ANK2: variants seen among roughly 807,000 people sequenced by gnomAD.
ANK2 encodes the protein ankyrin 2.
In ANK2, 83 loss-of-function variants were observed where a neutral mutation model predicts 360.5. That is an observed-to-expected ratio of 0.23 (90% CI 0.19 to 0.28). The LOEUF is 0.28. Ranked by LOEUF, ANK2 falls within the 10% of genes least tolerant of loss-of-function variation. ANK2 has a pLI of 1.00. For missense variants in ANK2, 4,201 were observed against 4,795.7 expected (o/e 0.88, Z 3.66); for synonymous variants, 1,740 against 1,759.5 (o/e 0.99, Z 0.28).
At chr4:113,092,780 A>C (rs1258053404) in intron 1 of ANK2, among the ~76,000 whole-genome samples, 1 of 152,162 alleles carries the variant, frequency 6.6e-6, no homozygotes, top group African/African-American at 2.4e-5. Flanking sequence ...GTCCACATAT[A>C]GTATGTGATT....
intron 1 of ANK2, among the ~76,000 whole-genome samples, chr4:113,103,785 A>G (rs1410905353): frequency 6.6e-6 from 1 of 152,204 alleles, no homozygotes; most frequent in African/African-American, 2.4e-5. Flanking sequence ...AAATATATCC[A>G]TTAGTCATTC....
the ANK2 span, among the ~76,000 whole-genome samples, chr4:112,748,913 T>C: frequency 6.6e-6 from 1 of 152,184 alleles, no homozygotes; most frequent in Non-Finnish European, 1.5e-5. Flanking sequence ...ATTTATTTAT[T>C]TTGTAGATGG....
intron 1 of ANK2, among the ~76,000 whole-genome samples, chr4:112,820,104 C>G (rs115994878): frequency 0.012 from 1,896 of 152,336 alleles, 46 homozygotes; most frequent in African/African-American, 0.043. Context: ...AATTCCTTTT[C>G]TTTAACACAG....
At chr4:112,789,170 C>G in the ANK2 span, among the ~76,000 whole-genome samples, 1 of 152,010 alleles carries the variant, frequency 6.6e-6, no homozygotes, top group African/African-American at 2.4e-5. Context: ...AATTATTATA[C>G]TGTGGTAAAA....
At position 112,863,855 on chromosome 4, in the gene ANK2, T is replaced by C. The variant is rs571752323; in HGVS notation, c.-39-40600T>C. Reference sequence around the variant, plus strand: ...CTTTATTATTATTTTTTTGATGTAGTGATGACTAACCAGTCAATTCCATTT... The same window carrying C: ...CTTTATTATTATTTTTTTGATGTAGCGATGACTAACCAGTCAATTCCATTT... On this transcript the variant is annotated intron_variant, in intron 1 of 30. Coordinates refer to the ANK2 transcript ENST00000503271. Among the ~76,000 whole-genome samples, 20 of 152,266 alleles carry C rather than the reference T, an allele frequency of 1.3e-4. No homozygotes were observed. In the South Asian group the frequency reaches 3.3e-3, roughly 25 times the overall value.
intron 42 of ANK2, 75 bp from the exon 43 acceptor site, chr4:113,369,439 C>A (rs1219378585): frequency 5.3e-6 from 8 of 1,510,598 alleles, no homozygotes; most frequent in Non-Finnish European, 5.5e-6. Context: ...CTCCATCTTG[C>A]CTTTCGATTT....
At chr4:112,725,302 A>C in the ANK2 span, among the ~76,000 whole-genome samples, 26 of 147,600 alleles carry the variant, frequency 1.8e-4, no homozygotes, top group African/African-American at 6.3e-4. Context: ...AAAAAAAAAA[A>C]CAGGAAACAA....
intron 2 of ANK2, among the ~76,000 whole-genome samples, chr4:112,976,312 G>A (rs1421170922): frequency 6.6e-6 from 1 of 151,944 alleles, no homozygotes; most frequent in Non-Finnish European, 1.5e-5. Flanking sequence ...TCCTGCCTCA[G>A]CCTCCTGAGT....
At chr4:113,260,358 G>A (rs2153641501) in intron 13 of ANK2, among the ~76,000 whole-genome samples, 1 of 152,232 alleles carries the variant, frequency 6.6e-6, no homozygotes, top group African/African-American at 2.4e-5. Flanking sequence ...TTTCAAATTT[G>A]ACAATCATTA....
At chr4:112,810,344 T>G in the ANK2 span, among the ~76,000 whole-genome samples, 1 of 151,706 alleles carries the variant, frequency 6.6e-6, no homozygotes. Context: ...ACTTTTATCA[T>G]GAGCACAGCT....
chr4:113,356,681 G>T lies in ANK2; in HGVS notation c.8063G>T (p.Arg2688Leu). The T allele has an allele frequency of 6.2e-7, 1 of 1,614,066 alleles. No individual in the cohort carries two copies. The highest frequency in any genetic ancestry group is 1.1e-5 in the South Asian group (1 of 91,074). Residue 2688 changes from arginine to leucine, a missense_variant, in exon 38 of 46, where the codon CGA (arginine) becomes CTA (leucine). By Grantham distance (102) the Arg-to-Leu change is moderately radical. Coordinates refer to ENST00000357077, the MANE Select transcript of ANK2 (RefSeq NM_001148.6). ...GGCCTTTTACCAGAACCAGTGATTC[G>T]AGTACAACCTCCTTCTCCACTTCCA... ...DSGLLPEPVI[R>L]VQPPSPLPSS...
At chr4:112,717,544 T>A in the ANK2 span, among the ~76,000 whole-genome samples, 1 of 152,188 alleles carries the variant, frequency 6.6e-6, no homozygotes, top group Non-Finnish European at 1.5e-5. Flanking sequence ...TTGTGTGAGC[T>A]TGTAGATTTC....
At chr4:112,935,764 C>T (rs1478744723) in intron 2 of ANK2, among the ~76,000 whole-genome samples, 1 of 151,994 alleles carries the variant, frequency 6.6e-6, no homozygotes, top group Admixed American at 6.6e-5. Context: ...ATTGCTTGAA[C>T]CATGGGAGGC....
intron 41 of ANK2, among the ~76,000 whole-genome samples, chr4:113,366,538 G>A (rs1022113827): frequency 1.3e-5 from 2 of 151,478 alleles, no homozygotes; most frequent in South Asian, 2.1e-4. Flanking sequence ...TGTCTCTATC[G>A]CACTGGTCCT....
chr4:113,014,284 T>A (rs1393791851), intron 2 of ANK2, among the ~76,000 whole-genome samples: 3 of 152,236 alleles, frequency 2.0e-5, no homozygotes, highest in Non-Finnish European at 4.4e-5. Flanking sequence ...CAACATATTT[T>A]GATAATTAAG....
At chr4:112,750,543 G>A in the ANK2 span, among the ~76,000 whole-genome samples, 1 of 152,052 alleles carries the variant, frequency 6.6e-6, no homozygotes, top group East Asian at 1.9e-4. Context: ...TTATGGGAAA[G>A]GGGTCCTGAT....
intron 1 of ANK2, among the ~76,000 whole-genome samples, chr4:112,871,789 G>A (rs956180314): frequency 1.3e-5 from 2 of 152,108 alleles, no homozygotes; most frequent in Non-Finnish European, 2.9e-5. Flanking sequence ...CTAGCTTATT[G>A]AATGTTTTTA....
chr4:113,305,300 A>G (rs1336744278), intron 23 of ANK2, among the ~76,000 whole-genome samples: 1 of 134,582 alleles, frequency 7.4e-6, no homozygotes, highest in East Asian at 2.2e-4. Flanking sequence ...AGATCCCGCC[A>G]CTGCACTCCA....
chr4:113,182,587 T>C (rs753141510), intron 2 of ANK2, among the ~76,000 whole-genome samples: 14 of 151,338 alleles, frequency 9.3e-5, no homozygotes, highest in Non-Finnish European at 1.6e-4. Context: ...GAGGAAAACC[T>C]GAAGTTGTGA....
Sources: gnomAD v4.1 joint callset for allele counts (sites outside exome capture counted in the v4.1 genomes callset) on GRCh38, gnomAD v4.1.1 for gene constraint, MANE v1.5 for transcripts, NCBI Gene and HGNC (gene_info 2026-07-23, HGNC 2026-07-21) for gene names.